The following SLC43A1 variants were observed in gnomAD, a reference collection of about 807,000 sequenced individuals.
SLC43A1 encodes the protein solute carrier family 43 member 1.
A neutral mutation model predicts 59.5 loss-of-function variants in SLC43A1; 31 were observed. The observed-to-expected ratio is 0.52, with a 90% CI of 0.39 to 0.70. The LOEUF is 0.70. SLC43A1 is among the 30% of genes least tolerant of loss of function. The probability of loss-of-function intolerance (pLI) is 0.00; values close to 1 mark genes in which losing one functional copy is unlikely to be tolerated. For synonymous variants in SLC43A1, 259 were observed against 290.9 expected, an observed-to-expected ratio of 0.89 and a Z score of 1.12; for missense variants, 598 against 717.8, an observed-to-expected ratio of 0.83 and a Z score of 1.91.
At position 57,513,952 on chromosome 11, in the gene SLC43A1, G is replaced by C; in HGVS notation, c.154+6C>G. ...CCCAGCCCACCCAGCCCATTTTCAG[G>C]CATACCTGGGCACGTGCTGGAATAG... On this transcript the variant is annotated splice_donor_region_variant and intron_variant, in intron 2 of 14. Coordinates refer to ENST00000278426, the MANE Select transcript of SLC43A1 (RefSeq NM_003627.6). 4 of 1,558,436 alleles carry C rather than the reference G, an allele frequency of 2.6e-6. No individual in the cohort carries two copies. Among genetic ancestry groups the C allele is most frequent in the Non-Finnish European group, 3.5e-6 (4 of 1,142,558 alleles).
rs376529879 is a variant in SLC43A1, at chr11:57,501,680, G to T, written c.155-351C>A. The stretch of plus-strand genomic sequence containing the variant: ...CTAGAGGCAAAGGCAAAGGCAGTGA[G>T]TGGTACTCTAATGGCTATAACAAGA... On this transcript the variant is annotated intron_variant, in intron 2 of 14. Coordinates refer to ENST00000278426, the MANE Select transcript of SLC43A1 (RefSeq NM_003627.6). Among the ~76,000 whole-genome samples the T allele has an allele frequency of 3.4e-4, 52 of 152,340 alleles. 1 individual carries two copies. In the South Asian group the frequency reaches 0.01, roughly 30 times the overall value.
Position 57,490,860 on chromosome 11 carries a change from G to C in SLC43A1, c.1193+364C>G, listed in dbSNP as rs570935159. Reference sequence around the variant, plus strand: ...CTTTAGCGTGTACCCTTATAACACAGGTTCTGGAGGCTGCCACTGAAAGCT... The same window carrying C: ...CTTTAGCGTGTACCCTTATAACACACGTTCTGGAGGCTGCCACTGAAAGCT... On this transcript the variant is annotated intron_variant, in intron 11 of 14. Transcript: ENST00000278426. 2.0e-5 allele frequency among the ~76,000 whole-genome samples: 3 copies of C among 152,342 alleles called. No homozygotes were observed. The South Asian group carries it at 6.2e-4, about 32-fold the overall frequency.
chr11:57,504,775 C>T (rs940920780), intron 2 of SLC43A1, among the ~76,000 whole-genome samples: 1 of 152,210 alleles, frequency 6.6e-6, no homozygotes, highest in African/African-American at 2.4e-5. Context: ...TGTGCTCTTC[C>T]ACTAACGGAG....
intron 7 of SLC43A1, among the ~76,000 whole-genome samples, chr11:57,494,738 T>A (rs1022613363): frequency 1.2e-4 from 19 of 152,160 alleles, no homozygotes; most frequent in African/African-American, 4.6e-4. Context: ...GGTGCTTGAT[T>A]CTTTTATGTC....
intron 5 of SLC43A1, chr11:57,499,527 C>A (rs1467367747): frequency 1.3e-5 from 2 of 152,228 alleles, no homozygotes; most frequent in Admixed American, 1.3e-4. Context: ...CTCCAAGGGG[C>A]CACAAACGCT....
intron 2 of SLC43A1, among the ~76,000 whole-genome samples, chr11:57,513,173 A>C (rs1034825007): frequency 1.3e-5 from 2 of 152,216 alleles, no homozygotes; most frequent in Non-Finnish European, 2.9e-5. Flanking sequence ...TTCAAATCCA[A>C]GCTAAACTTC....
intron 5 of SLC43A1, among the ~76,000 whole-genome samples, chr11:57,499,326 C>CCA (rs1554983051): frequency 1.4e-5 from 2 of 141,754 alleles, no homozygotes; most frequent in Non-Finnish European, 3.1e-5. Context: ...TCCGTCTCAA[C>CCA]AAAAAAAAAA....
chr11:57,492,492 A>C (rs1381553444), intron 8 of SLC43A1, among the ~76,000 whole-genome samples: 1 of 131,736 alleles, frequency 7.6e-6, no homozygotes, highest in Non-Finnish European at 1.6e-5. Flanking sequence ...AAAATAATAT[A>C]ATATATAATA....
At position 57,485,065 on chromosome 11, in the gene SLC43A1, C is replaced by T; in HGVS notation, c.*31G>A. The T allele has an allele frequency of 6.3e-7, 1 of 1,590,188 alleles. No homozygotes were observed. ...CTTTTGGTTGCTCAGGCCTTGATTG[C>T]CTGTCATCCAGGTCCCTTGGTCTGA... On this transcript the variant is annotated 3_prime_UTR_variant, in exon 15 of 15. Coordinates refer to ENST00000278426, the MANE Select transcript of SLC43A1 (RefSeq NM_003627.6).
intron 8 of SLC43A1, among the ~76,000 whole-genome samples, chr11:57,492,529 ATTTTGTG>A (rs1297374744): frequency 1.1e-3 from 128 of 116,002 alleles, no homozygotes; most frequent in Non-Finnish European, 2.0e-3. Context: ...AATATATATA[ATTTTGTG>A]TATATATATA....
intron 2 of SLC43A1, among the ~76,000 whole-genome samples, chr11:57,509,594 AAAGGAAGGAAGGAAGGAAGGAAGGAAGG>A (rs1218558916): frequency 1.0e-4 from 8 of 78,666 alleles, no homozygotes; most frequent in East Asian, 7.4e-4. Flanking sequence ...TCAGAAGGAC[AAAGGAAGGAAGGAAGGAAGGAAGGAAGG>A]AAGGAAGGAA....
chr11:57,485,252 A>C lies in SLC43A1; in HGVS notation c.1534-10T>G. ...GGAGGCCCAGATTCACCTTTAGGGC[A>C]AGGAGAGAGAAACAGAGTCAAGTAG... is the stretch of plus-strand genomic sequence containing the variant. On this transcript the variant is annotated splice_polypyrimidine_tract_variant and intron_variant, in intron 14 of 14. Transcript: ENST00000278426. 6.2e-7 allele frequency: 1 copy of C among 1,607,382 alleles called. No individual in the cohort carries two copies. Among genetic ancestry groups the C allele is most frequent in the South Asian group, 1.1e-5 (1 of 90,086 alleles).
At chr11:57,499,928 TC>T (rs1210145123) in intron 5 of SLC43A1, among the ~76,000 whole-genome samples, 3 of 152,120 alleles carry the variant, frequency 2.0e-5, no homozygotes, top group Admixed American at 2.0e-4. Flanking sequence ...GGGATCCGCT[TC>T]CTTCCTTTAG....
chr11:57,485,170 G>A lies in SLC43A1; in HGVS notation c.1606C>T (p.Arg536Trp), dbSNP rs369137315. The A allele has an allele frequency of 3.0e-5, 49 of 1,613,944 alleles. No homozygotes were observed. In the Admixed American group the frequency reaches 5.2e-4, roughly 17 times the overall value. The change falls in exon 15 of 15, where the codon CGG becomes TGG. Residue 536 changes from arginine (R) to tryptophan (W), a missense_variant. Transcript: ENST00000278426. ...TTGGCGGCGTACTCCTGCTGGAGCC[G>A]GGCACGGTAATAGAAGAGGTAGGAA... is the stretch of plus-strand genomic sequence containing the variant. Reference protein sequence around the residue: ...LPSYLFYYRARLQQEYAANGM... With the variant: ...LPSYLFYYRAWLQQEYAANGM...
At chr11:57,492,117 C>T (rs1015498654) in intron 8 of SLC43A1, among the ~76,000 whole-genome samples, 1 of 151,644 alleles carries the variant, frequency 6.6e-6, no homozygotes, top group Non-Finnish European at 1.5e-5. Context: ...GCCTGTAATC[C>T]CAACACTTTG....
At chr11:57,504,270 G>T (rs779802172) in intron 2 of SLC43A1, among the ~76,000 whole-genome samples, 1 of 152,134 alleles carries the variant, frequency 6.6e-6, no homozygotes, top group Non-Finnish European at 1.5e-5. Flanking sequence ...ATCCCCTTTT[G>T]CCAGGGCTTG....
intron 10 of SLC43A1, 83 bp downstream of exon 10, chr11:57,491,508 C>T: frequency 6.3e-7 from 1 of 1,597,410 alleles, no homozygotes; most frequent in Non-Finnish European, 8.6e-7. Flanking sequence ...CTGGGTGGGC[C>T]CAGGCCTAGA....
chr11:57,502,915 C>G (rs928340624), intron 2 of SLC43A1, among the ~76,000 whole-genome samples: 1 of 148,648 alleles, frequency 6.7e-6, no homozygotes, highest in Non-Finnish European at 1.5e-5. Flanking sequence ...AAAAAGGAAA[C>G]AAAAAAACCA....
intron 14 of SLC43A1, 125 bp from the exon 15 acceptor site, chr11:57,485,367 T>C: frequency 1.2e-6 from 1 of 856,130 alleles, no homozygotes; most frequent in African/African-American, 1.7e-5. Flanking sequence ...CTAGTACTTA[T>C]TATGTGTAGT....
Sources: allele counts gnomAD v4.1 joint callset (sites outside exome capture counted in the v4.1 genomes callset), GRCh38; gene constraint gnomAD v4.1.1; transcripts MANE v1.5; gene names NCBI Gene and HGNC (gene_info 2026-07-23, HGNC 2026-07-21).